The following ST3GAL6 variants were observed in gnomAD, a reference collection of about 807,000 sequenced individuals.
The protein encoded by ST3GAL6 is type 2 lactosamine alpha-2,3-sialyltransferase.
ST3GAL6 carries 31 observed loss-of-function variants against 40.5 expected under a neutral mutation model. The observed-to-expected ratio is 0.77, with a 90% CI of 0.58 to 1.03. The LOEUF is 1.03. Ranked by LOEUF, ST3GAL6 falls within the 50% of genes least tolerant of loss-of-function variation. The pLI, the probability that ST3GAL6 is intolerant of heterozygous loss-of-function variation, is 0.00. For missense variants in ST3GAL6, 357 were observed against 393.2 expected (o/e 0.91, Z 0.78); for synonymous variants, 129 against 136.9 (o/e 0.94, Z 0.40).
chr3:98,778,357 C>T (rs1379510217), intron 5 of ST3GAL6, among the ~76,000 whole-genome samples: 2 of 152,208 alleles, frequency 1.3e-5, no homozygotes, highest in Non-Finnish European at 2.9e-5. Context: ...AAGAATTAGA[C>T]ATTAGTGGTG....
intron 1 of ST3GAL6, chr3:98,733,096 T>G (rs1275232216): frequency 1.5e-6 from 2 of 1,351,198 alleles, no homozygotes; most frequent in Non-Finnish European, 1.9e-6. Context: ...CCCTCCGGCT[T>G]TGCAGCCTCT....
chr3:98,794,735 A>C lies in ST3GAL6; in HGVS notation c.*974A>C, dbSNP rs1941470762. 1.3e-5 allele frequency: 2 copies of C among 152,194 alleles called. No homozygotes were observed. The highest frequency in any genetic ancestry group is 6.8e-3 in the Middle Eastern group (2 of 294). 9.4% of individuals were successfully genotyped at this position (152,194 alleles called of 1,614,324 possible). A position where few individuals can be genotyped will look rare whatever the true frequency, so the allele number is the denominator to read the frequency against. On this transcript the variant is annotated 3_prime_UTR_variant, in exon 10 of 10. Transcript: ENST00000483910. ...GCCAACATGGTGAAACCTCATCTCT[A>C]CTAAAATACAAAATAATTAGCTGGG...
At chr3:98,790,912 G>A in intron 8 of ST3GAL6, among the ~76,000 whole-genome samples, 1 of 152,146 alleles carries the variant, frequency 6.6e-6, no homozygotes, top group East Asian at 1.9e-4. Flanking sequence ...ATAGGATAAA[G>A]AAAATTTTAT....
chr3:98,734,766 C>T (rs549079837), intron 1 of ST3GAL6, among the ~76,000 whole-genome samples: 1 of 152,256 alleles, frequency 6.6e-6, no homozygotes, highest in East Asian at 1.9e-4. Context: ...CATTTAAAAA[C>T]ATTAGTCTGT....
At position 98,737,533 on chromosome 3, in the gene ST3GAL6, C is replaced by T. The variant is rs143029623; in HGVS notation, c.-12+5001C>T. Among the ~76,000 whole-genome samples the T allele has an allele frequency of 3.7e-3, 571 of 152,300 alleles. 3 individuals carry two copies. The highest frequency in any genetic ancestry group is 0.013 in the African/African-American group (547 of 41,550). The stretch of plus-strand genomic sequence containing the variant: ...AGCTCAGAGACGCCTATACAGTATT[C>T]CTTTTATCCTCTTGTCCTTTGATTT... On this transcript the variant is annotated intron_variant, in intron 1 of 9. Coordinates refer to the ST3GAL6 transcript ENST00000265261.
At chr3:98,765,329 A>G (rs1268776663) in intron 1 of ST3GAL6, among the ~76,000 whole-genome samples, 2 of 152,242 alleles carry the variant, frequency 1.3e-5, no homozygotes, top group East Asian at 3.8e-4. Flanking sequence ...TGATTGAACC[A>G]TAAATCTATT....
At chr3:98,736,299 C>T (rs1437962496) in intron 1 of ST3GAL6, among the ~76,000 whole-genome samples, 1 of 152,188 alleles carries the variant, frequency 6.6e-6, no homozygotes, top group Non-Finnish European at 1.5e-5. Context: ...TAGCCTAAGA[C>T]AAAGTATACA....
intron 5 of ST3GAL6, among the ~76,000 whole-genome samples, chr3:98,780,209 T>C (rs897968238): frequency 3.9e-5 from 6 of 152,196 alleles, no homozygotes; most frequent in Non-Finnish European, 8.8e-5. Flanking sequence ...AGACAGCTTA[T>C]CTGTACCATT....
At chr3:98,757,049 A>C (rs1937472963) in intron 1 of ST3GAL6, among the ~76,000 whole-genome samples, 1 of 152,124 alleles carries the variant, frequency 6.6e-6, no homozygotes, top group Non-Finnish European at 1.5e-5. Context: ...GATTTTTCTT[A>C]CTTTTTTTGG....
At chr3:98,771,381 G>C (rs1312931409) in intron 3 of ST3GAL6, among the ~76,000 whole-genome samples, 1 of 152,010 alleles carries the variant, frequency 6.6e-6, no homozygotes, top group African/African-American at 2.4e-5. Context: ...GAACTACATA[G>C]AATGCAAATA....
At chr3:98,793,394 G>T (rs1941370322) in intron 9 of ST3GAL6, among the ~76,000 whole-genome samples, 1 of 152,184 alleles carries the variant, frequency 6.6e-6, no homozygotes, top group African/African-American at 2.4e-5. Flanking sequence ...TTGGTCTCCA[G>T]ATTTGTATTG....
intron 1 of ST3GAL6, among the ~76,000 whole-genome samples, chr3:98,766,218 C>T (rs1454881787): frequency 2.0e-5 from 3 of 152,076 alleles, no homozygotes; most frequent in Non-Finnish European, 2.9e-5. Flanking sequence ...CCCATACCTC[C>T]GTGTTCTGTA....
chr3:98,787,997 C>T (rs1234357436), intron 6 of ST3GAL6, 39 bp from the exon 7 acceptor site: 1 of 1,559,280 alleles, frequency 6.4e-7, no homozygotes. Flanking sequence ...GCAGATACTG[C>T]ACTTGGTCTA....
At chr3:98,753,892 G>C (rs569341573) in intron 1 of ST3GAL6, among the ~76,000 whole-genome samples, 4 of 152,204 alleles carry the variant, frequency 2.6e-5, no homozygotes, top group Non-Finnish European at 4.4e-5. Flanking sequence ...GAGACCTGCT[G>C]CTTAGAAGAA....
In ST3GAL6 at chr3:98,768,533, A is replaced by C; in HGVS notation, c.89+4A>C. The C allele has an allele frequency of 6.3e-7, 1 of 1,598,358 alleles. No homozygotes were observed. Among genetic ancestry groups the C allele is most frequent in the African/African-American group, 1.3e-5 (1 of 74,706 alleles). ...TATGGGGAACGAATGTCTATTGGTA[A>C]GTTTCATTTTGTTATTTAAAAATAA... On this transcript the variant is annotated splice_donor_region_variant and intron_variant, in intron 2 of 9. Coordinates refer to ENST00000483910, the MANE Select transcript of ST3GAL6 (RefSeq NM_001323368.2).
At chr3:98,776,399 G>A (rs541159914) in intron 5 of ST3GAL6, among the ~76,000 whole-genome samples, 2 of 152,216 alleles carry the variant, frequency 1.3e-5, no homozygotes, top group Non-Finnish European at 2.9e-5. Flanking sequence ...AAAGATGTCT[G>A]AGAACAGTCT....
At chr3:98,772,085 A>G (rs1029059726) in intron 3 of ST3GAL6, among the ~76,000 whole-genome samples, 2 of 152,196 alleles carry the variant, frequency 1.3e-5, no homozygotes, top group African/African-American at 4.8e-5. Context: ...CTTTAGTGAA[A>G]AAAGATATCC....
chr3:98,753,886 C>A (rs373968388), intron 1 of ST3GAL6, among the ~76,000 whole-genome samples: 4 of 152,186 alleles, frequency 2.6e-5, no homozygotes, highest in Admixed American at 1.3e-4. Flanking sequence ...GTTATTGAGA[C>A]CTGCTGCTTA....
chr3:98,741,951 C>T (rs566236176), intron 1 of ST3GAL6, among the ~76,000 whole-genome samples: 4 of 152,074 alleles, frequency 2.6e-5, no homozygotes, highest in Non-Finnish European at 2.9e-5. Context: ...TGGGATTTGA[C>T]GGGATTGAGA....
Sources: gnomAD v4.1 joint callset for allele counts (sites outside exome capture counted in the v4.1 genomes callset) on GRCh38, gnomAD v4.1.1 for gene constraint, MANE v1.5 for transcripts, NCBI Gene and HGNC (gene_info 2026-07-23, HGNC 2026-07-21) for gene names.